The following TJP1 variants were observed in gnomAD, a reference collection of about 807,000 sequenced individuals.
TJP1 encodes tight junction protein ZO-1.
In TJP1, 43 loss-of-function variants were observed where a neutral mutation model predicts 194.2. The ratio of observed to expected loss-of-function variants is 0.22; its 90% CI spans 0.17 to 0.29. TJP1 has a LOEUF of 0.29. TJP1 is among the 10% of genes least tolerant of loss of function. TJP1 has a pLI of 1.00. For synonymous variants in TJP1, 801 were observed against 779.0 expected, an observed-to-expected ratio of 1.03 and a Z score of -0.47; for missense variants, 1,971 against 2,185.7, an observed-to-expected ratio of 0.90 and a Z score of 1.96.
intron 15 of TJP1, chr15:29,730,574 G>GC: frequency 3.9e-6 from 2 of 508,454 alleles, no homozygotes; most frequent in South Asian, 3.1e-5. Flanking sequence ...TCCTGCCTGG[G>GC]CAAGAGTGAG....
chr15:29,766,812 G>A (rs893042303), intron 4 of TJP1, among the ~76,000 whole-genome samples: 1 of 152,128 alleles, frequency 6.6e-6, no homozygotes, highest in African/African-American at 2.4e-5. Flanking sequence ...AGATCTTCCT[G>A]GTGTAATAAT....
intron 25 of TJP1, among the ~76,000 whole-genome samples, chr15:29,706,437 C>CT (rs1047453039): frequency 7.9e-5 from 12 of 151,902 alleles, no homozygotes; most frequent in Non-Finnish European, 1.5e-4. Context: ...AAATCGGAAA[C>CT]TTTTTTTTGA....
chr15:29,817,532 CAT>C (rs1449743019), intron 1 of TJP1, among the ~76,000 whole-genome samples: 2 of 152,122 alleles, frequency 1.3e-5, no homozygotes, highest in African/African-American at 2.4e-5. Flanking sequence ...CACATGCACA[CAT>C]ATGTTTACTG....
chr15:29,744,531 G>A (rs897261982), intron 8 of TJP1, among the ~76,000 whole-genome samples: 2 of 151,906 alleles, frequency 1.3e-5, no homozygotes, highest in Admixed American at 6.6e-5. Flanking sequence ...TTTAAAAGAA[G>A]CCAATAAATA....
Position 29,700,721 on chromosome 15 carries a change from CAAAAAAA to C in TJP1, c.*867_*873del, listed in dbSNP as rs11464931. 45 of 142,556 alleles carry C rather than the reference CAAAAAAA, an allele frequency of 3.2e-4. No individual in the cohort carries two copies. Among genetic ancestry groups the C allele is most frequent in the Non-Finnish European group, 4.7e-4 (36 of 76,506 alleles). The allele number at this position is 142,556 out of a possible 1,614,324, so 8.8% of individuals were successfully genotyped here. On this transcript the variant is annotated 3_prime_UTR_variant, in exon 28 of 28. Transcript: ENST00000614355. Reference sequence around the variant, plus strand: ...ACAGAAAACCACCACTGCCCCTTGTCAAAAAAAAAAAAAAAGAAAAGAAAAGAAAAGA... The same window carrying C: ...ACAGAAAACCACCACTGCCCCTTGTCAAAAAAAAGAAAAGAAAAGAAAAGA...
intron 2 of TJP1, among the ~76,000 whole-genome samples, chr15:29,839,780 T>G (rs988094739): frequency 3.3e-5 from 5 of 152,220 alleles, no homozygotes; most frequent in African/African-American, 1.2e-4. Flanking sequence ...AAATGATAAG[T>G]TGTATGGTAA....
At chr15:29,796,452 T>G (rs1365547723) in intron 2 of TJP1, among the ~76,000 whole-genome samples, 1 of 151,168 alleles carries the variant, frequency 6.6e-6, no homozygotes, top group East Asian at 1.9e-4. Flanking sequence ...CATGAGATAT[T>G]TAACTATAAA....
rs2042588383 is a variant in TJP1, at chr15:29,716,737, A to T, written c.4076T>A (p.Leu1359Gln). ...AAAACTTCTTCGGTCAAAGTATGAC[A>T]GCTGTTTTCGATAATATTCTTCATC... ...EEDEEYYRKQ[L>Q]SYFDRRSFEN... The change falls in exon 23 of 28, where the codon CTG becomes CAG. Residue 1359 changes from leucine (L) to glutamine (Q), a missense_variant. This residue lies in a region of TJP1 where 1,108 missense variants were observed against 1,128.5 expected (regional missense o/e 0.98). Transcript: ENST00000614355. The T allele has an allele frequency of 6.2e-7, 1 of 1,614,172 alleles. No individual in the cohort carries two copies. The highest frequency in any genetic ancestry group is 8.5e-7 in the Non-Finnish European group (1 of 1,180,032).
At chr15:29,847,889 A>G (rs2051479234) in intron 2 of TJP1, among the ~76,000 whole-genome samples, 2 of 152,198 alleles carry the variant, frequency 1.3e-5, no homozygotes, top group Admixed American at 1.3e-4. Context: ...CATATTTTGA[A>G]TATGTTTTCA....
intron 2 of TJP1, among the ~76,000 whole-genome samples, chr15:29,872,256 A>C (rs571114698): frequency 3.8e-4 from 58 of 152,214 alleles, no homozygotes; most frequent in Non-Finnish European, 8.2e-4. Context: ...ATACATGTGC[A>C]AATAACTGTG....
intron 2 of TJP1, among the ~76,000 whole-genome samples, chr15:29,924,960 C>T (rs977268244): frequency 3.9e-5 from 6 of 152,212 alleles, no homozygotes; most frequent in African/African-American, 1.4e-4. Flanking sequence ...CAGGAAGTCT[C>T]CCAGAATGCA....
intron 2 of TJP1, among the ~76,000 whole-genome samples, chr15:29,948,460 G>A (rs1444133814): frequency 6.6e-6 from 1 of 152,170 alleles, no homozygotes; most frequent in Non-Finnish European, 1.5e-5. Context: ...ATCAATACAT[G>A]ACATTCACCA....
chr15:29,837,100 A>G (rs2051060565), intron 2 of TJP1, among the ~76,000 whole-genome samples: 1 of 152,250 alleles, frequency 6.6e-6, no homozygotes, highest in Non-Finnish European at 1.5e-5. Context: ...AAAGATGTGG[A>G]GGTGAAATAT....
At chr15:29,820,671 C>T (rs927695887) in intron 1 of TJP1, 15 of 645,006 alleles carry the variant, frequency 2.3e-5, no homozygotes, top group East Asian at 1.1e-4. Context: ...CAAAGCCTTT[C>T]CTCCTAGGAA....
At chr15:29,791,689 G>T (rs976918452) in intron 2 of TJP1, among the ~76,000 whole-genome samples, 1 of 151,920 alleles carries the variant, frequency 6.6e-6, no homozygotes, top group Non-Finnish European at 1.5e-5. Flanking sequence ...CACCATGCCC[G>T]GCCTCCATGC....
intron 2 of TJP1, among the ~76,000 whole-genome samples, chr15:29,941,472 G>A (rs2055074634): frequency 6.6e-6 from 1 of 152,126 alleles, no homozygotes; most frequent in African/African-American, 2.4e-5. Context: ...GGGGGAAGGA[G>A]GCTTGAGGCC....
At chr15:29,966,844 T>C (rs1269636965) in intron 1 of TJP1, among the ~76,000 whole-genome samples, 1 of 152,102 alleles carries the variant, frequency 6.6e-6, no homozygotes, top group Non-Finnish European at 1.5e-5. Flanking sequence ...ATATTTCCCA[T>C]ACCCCCACAT....
intron 2 of TJP1, among the ~76,000 whole-genome samples, chr15:29,865,311 G>A (rs551551693): frequency 1.3e-5 from 2 of 152,288 alleles, no homozygotes; most frequent in Admixed American, 1.3e-4. Context: ...GGGGAATGCA[G>A]CTGGTGATTC....
chr15:29,887,442 G>C (rs1056806680), intron 2 of TJP1, among the ~76,000 whole-genome samples: 1 of 151,762 alleles, frequency 6.6e-6, no homozygotes, highest in Non-Finnish European at 1.5e-5. Flanking sequence ...TGGGATTACA[G>C]GCACGTGCCA....
Sources: gnomAD v4.1 joint callset for allele counts (sites outside exome capture counted in the v4.1 genomes callset) on GRCh38, gnomAD v4.1.1 for gene constraint, gnomAD v4.1.1 regional missense constraint, MANE v1.5 for transcripts, NCBI Gene and HGNC (gene_info 2026-07-23, HGNC 2026-07-21) for gene names.